Variants in BPTF observed in about 807,000 individuals in gnomAD.
BPTF encodes bromodomain PHD finger transcription factor.
Under a neutral mutation model 292.5 loss-of-function variants are expected in BPTF, and 18 were observed. That is an observed-to-expected ratio of 0.06 (90% CI 0.04 to 0.09). The LOEUF (loss-of-function observed/expected upper bound fraction) is 0.09. Ranked by LOEUF, BPTF falls within the 10% of genes least tolerant of loss-of-function variation. BPTF has a pLI of 1.00. For synonymous variants in BPTF, 1,225 were observed against 1,251.9 expected (o/e 0.98, Z 0.45); for missense variants, 2,726 against 3,498.7 (o/e 0.78, Z 5.57).
At chr17:67,865,858 C>G (rs2059362279) in intron 2 of BPTF, among the ~76,000 whole-genome samples, 1 of 152,104 alleles carries the variant, frequency 6.6e-6, no homozygotes, top group South Asian at 2.1e-4. Flanking sequence ...TTCGATTGTC[C>G]AGAAGTAAAG....
intron 11 of BPTF, 33 bp downstream of exon 11, chr17:67,913,220 G>A: frequency 6.6e-7 from 1 of 1,516,866 alleles, no homozygotes; most frequent in Non-Finnish European, 8.8e-7. Flanking sequence ...GGGGGAGGGA[G>A]AAAATTTTAA....
intron 7 of BPTF, among the ~76,000 whole-genome samples, chr17:67,899,510 A>G (rs1022854528): frequency 2.0e-5 from 3 of 151,246 alleles, no homozygotes; most frequent in Non-Finnish European, 2.9e-5. Flanking sequence ...AGGTAGTTTT[A>G]TACTTGATGC....
At position 67,911,798 on chromosome 17, in the gene BPTF, A is replaced by C. The variant is rs79076582; in HGVS notation, c.3914A>C (p.Asp1305Ala). The C allele has an allele frequency of 1.6e-5, 26 of 1,614,112 alleles. No individual in the cohort carries two copies. The highest frequency in any genetic ancestry group is 2.7e-5 in the African/African-American group (2 of 74,950). Residue 1305 changes from aspartate (D) to alanine (A), a missense_variant, in exon 11 of 28, where the codon GAT becomes GCT. By Grantham distance (126) the Asp-to-Ala change is moderately radical. Coordinates refer to ENST00000306378, the MANE Select transcript of BPTF (RefSeq NM_182641.4). ...TCTATTCAGGATAGCAGTGAAGAAGATATGATTGTTCAGAATAGCAATGAA... is the reference window on the plus strand; with the variant it reads ...TCTATTCAGGATAGCAGTGAAGAAGCTATGATTGTTCAGAATAGCAATGAA... ...TVSIQDSSEE[D>A]MIVQNSNESI...
chr17:67,905,905 G>T (rs2062153728), intron 9 of BPTF, among the ~76,000 whole-genome samples: 1 of 151,612 alleles, frequency 6.6e-6, no homozygotes, highest in African/African-American at 2.4e-5. Flanking sequence ...CTGTCGTGGG[G>T]TTGGGGGAGG....
intron 1 of BPTF, among the ~76,000 whole-genome samples, chr17:67,837,782 A>G (rs1273819944): frequency 6.6e-6 from 1 of 152,224 alleles, no homozygotes; most frequent in Non-Finnish European, 1.5e-5. Flanking sequence ...GTTCTTGGAT[A>G]CTGACTAGGC....
intron 2 of BPTF, among the ~76,000 whole-genome samples, chr17:67,864,527 C>CAAAA (rs60272759): frequency 1.2e-5 from 1 of 80,226 alleles, no homozygotes. Flanking sequence ...GACTCCATCA[C>CAAAA]AAAAAAAAAA....
intron 9 of BPTF, among the ~76,000 whole-genome samples, chr17:67,907,048 A>G (rs1052040156): frequency 6.6e-6 from 1 of 151,906 alleles, no homozygotes; most frequent in African/African-American, 2.4e-5. Context: ...AGCCAGACAT[A>G]TTGGTACACA....
chr17:67,938,255 G>A (rs1443614819), intron 18 of BPTF, among the ~76,000 whole-genome samples: 4 of 152,178 alleles, frequency 2.6e-5, no homozygotes, highest in Admixed American at 2.0e-4. Flanking sequence ...TGATGGCAAT[G>A]TATCTGTACC....
intron 24 of BPTF, among the ~76,000 whole-genome samples, chr17:67,962,076 C>T (rs113890698): frequency 1.3e-5 from 2 of 152,198 alleles, no homozygotes; most frequent in African/African-American, 4.8e-5. Flanking sequence ...CTGGGAGGTC[C>T]AGGCTGCAGG....
chr17:67,852,874 G>A (rs958271510), intron 1 of BPTF, among the ~76,000 whole-genome samples: 2 of 152,178 alleles, frequency 1.3e-5, no homozygotes, highest in Admixed American at 6.5e-5. Context: ...GGTGGCTCAC[G>A]CCTGTAATCC....
intron 3 of BPTF, 23 bp from the exon 4 acceptor site, chr17:67,874,794 T>C: frequency 4.6e-6 from 7 of 1,522,264 alleles, no homozygotes; most frequent in Non-Finnish European, 5.4e-6. Context: ...GAATAATTTT[T>C]TTGTTTGTTT....
chr17:67,869,559 G>T (rs2059583468), intron 3 of BPTF, among the ~76,000 whole-genome samples: 2 of 152,184 alleles, frequency 1.3e-5, no homozygotes, highest in South Asian at 4.1e-4. Context: ...ACTGGATCAG[G>T]TTTTATCATT....
chr17:67,916,388 G>A (rs1251121193), intron 11 of BPTF, among the ~76,000 whole-genome samples: 2 of 152,208 alleles, frequency 1.3e-5, no homozygotes, highest in South Asian at 2.1e-4. Context: ...TCAGGAGTTC[G>A]AGACCAGCCT....
intron 8 of BPTF, 121 bp downstream of exon 8, chr17:67,904,039 T>G: frequency 2.1e-6 from 2 of 962,204 alleles, no homozygotes; most frequent in Non-Finnish European, 3.0e-6. Flanking sequence ...TATTTATTTA[T>G]TTATTTTGAG....
chr17:67,890,036 C>T (rs566579636), intron 4 of BPTF, among the ~76,000 whole-genome samples: 2 of 152,194 alleles, frequency 1.3e-5, no homozygotes, highest in South Asian at 2.1e-4. Context: ...AATTACCATA[C>T]CTTAAAAATC....
At chr17:67,921,033 C>A (rs538847964) in intron 13 of BPTF, among the ~76,000 whole-genome samples, 1 of 151,014 alleles carries the variant, frequency 6.6e-6, no homozygotes, top group Admixed American at 6.6e-5. Context: ...GTAGTGAAAC[C>A]CTATCCCTAC....
chr17:67,849,117 A>C (rs1009120216), intron 1 of BPTF, among the ~76,000 whole-genome samples: 1 of 151,988 alleles, frequency 6.6e-6, no homozygotes, highest in African/African-American at 2.4e-5. Context: ...TGGTAAGGGG[A>C]GTATCCATTT....
intron 23 of BPTF, among the ~76,000 whole-genome samples, chr17:67,951,902 A>G (rs1555678627): frequency 1.3e-5 from 2 of 151,784 alleles, no homozygotes; most frequent in Non-Finnish European, 2.9e-5. Flanking sequence ...CCAAAATACA[A>G]AAATTAGCTG....
intron 11 of BPTF, among the ~76,000 whole-genome samples, chr17:67,916,573 A>G (rs2063005521): frequency 6.6e-6 from 1 of 150,920 alleles, no homozygotes; most frequent in South Asian, 2.1e-4. Context: ...CTGAGCGACA[A>G]GAGCAAAACT....
Sources: allele counts gnomAD v4.1 joint callset (sites outside exome capture counted in the v4.1 genomes callset), GRCh38; gene constraint gnomAD v4.1.1; transcripts MANE v1.5; gene names NCBI Gene and HGNC (gene_info 2026-07-23, HGNC 2026-07-21).